DOCK7: variants seen among roughly 807,000 people sequenced by gnomAD.
The protein encoded by DOCK7 is dedicator of cytokinesis protein 7.
Under a neutral mutation model 271.0 loss-of-function variants are expected in DOCK7, and 138 were observed. The ratio of observed to expected loss-of-function variants is 0.51; its 90% CI spans 0.44 to 0.59. DOCK7 has a LOEUF of 0.59. Among genes scored for constraint, DOCK7 ranks in the 20% least tolerant of loss-of-function variants. DOCK7 has a pLI of 0.00. For synonymous variants in DOCK7, 823 were observed against 876.1 expected, an observed-to-expected ratio of 0.94 and a Z score of 1.07; for missense variants, 2,066 against 2,592.4, an observed-to-expected ratio of 0.80 and a Z score of 4.41.
chr1:62,602,076 G>T (rs1040701201), intron 14 of DOCK7, among the ~76,000 whole-genome samples: 2 of 151,448 alleles, frequency 1.3e-5, no homozygotes, highest in African/African-American at 2.4e-5. Flanking sequence ...AATCTGAAGT[G>T]ACTATTATCA....
intron 18 of DOCK7, among the ~76,000 whole-genome samples, chr1:62,567,639 A>G (rs1030651244): frequency 1.3e-5 from 2 of 152,160 alleles, no homozygotes; most frequent in African/African-American, 2.4e-5. Flanking sequence ...TGGCACATGT[A>G]TATCTATGTA....
At chr1:62,550,967 C>T (rs980520640) in intron 22 of DOCK7, among the ~76,000 whole-genome samples, 4 of 151,966 alleles carry the variant, frequency 2.6e-5, no homozygotes, top group East Asian at 1.9e-4. Flanking sequence ...GTGATCTGCC[C>T]GCCTCAGCCT....
Position 62,631,343 on chromosome 1 carries a change from T to C in DOCK7, c.1179A>G (p.Lys393=). 1.2e-6 allele frequency: 2 copies of C among 1,613,510 alleles called. No individual in the cohort carries two copies. The highest frequency in any genetic ancestry group is 1.7e-6 in the Non-Finnish European group (2 of 1,179,846). ...CAGTCCAAGCAAAAGGCATGCGATA[T>C]TTCCCAAGTCTTTGGCAAAACTGAT... ...QADQFCQRLG[K]YRMPFAWTAI... Residue 393 remains lysine, a synonymous_variant, in exon 11 of 50, where the codon AAA becomes AAG. Coordinates refer to ENST00000635253, the MANE Select transcript of DOCK7 (RefSeq NM_001367561.1).
intron 14 of DOCK7, among the ~76,000 whole-genome samples, chr1:62,611,468 T>C (rs949221292): frequency 6.6e-6 from 1 of 152,274 alleles, no homozygotes; most frequent in East Asian, 1.9e-4. Context: ...GTGCTTGAAA[T>C]GTTTTGGATT....
chr1:62,663,465 A>G (rs888564193), intron 1 of DOCK7, among the ~76,000 whole-genome samples: 2 of 152,182 alleles, frequency 1.3e-5, no homozygotes, highest in Admixed American at 6.5e-5. Context: ...AAAGATGTGT[A>G]TATTAAAATG....
chr1:62,613,216 T>C (rs1652013763), intron 14 of DOCK7, among the ~76,000 whole-genome samples: 3 of 152,342 alleles, frequency 2.0e-5, no homozygotes, highest in Middle Eastern at 3.4e-3. Flanking sequence ...AATACTGTGA[T>C]AGGGTAAGTA....
chr1:62,562,559 T>C (rs1027332472), intron 18 of DOCK7, among the ~76,000 whole-genome samples: 1 of 152,096 alleles, frequency 6.6e-6, no homozygotes, highest in African/African-American at 2.4e-5. Flanking sequence ...GTCAAAGTTA[T>C]TTCATAAAAA....
At chr1:62,588,331 G>C (rs892722338) in intron 14 of DOCK7, among the ~76,000 whole-genome samples, 8 of 152,156 alleles carry the variant, frequency 5.3e-5, no homozygotes, top group Non-Finnish European at 1.0e-4. Flanking sequence ...CCTATACACA[G>C]ACCACTTCAA....
intron 1 of DOCK7, among the ~76,000 whole-genome samples, chr1:62,683,655 G>A (rs1661409321): frequency 6.6e-6 from 1 of 152,120 alleles, no homozygotes; most frequent in Non-Finnish European, 1.5e-5. Flanking sequence ...AATAAAAAGA[G>A]TAGGCCAGGT....
chr1:62,518,763 G>C (rs1008885219), intron 31 of DOCK7, among the ~76,000 whole-genome samples: 1 of 149,928 alleles, frequency 6.7e-6, no homozygotes, highest in Non-Finnish European at 1.5e-5. Flanking sequence ...ACAACAAGAA[G>C]TCAATAAAAG....
At chr1:62,475,518 T>G (rs952739962) in intron 46 of DOCK7, 167 bp from the exon 47 acceptor site, 16 of 1,138,238 alleles carry the variant, frequency 1.4e-5, no homozygotes, top group Non-Finnish European at 2.0e-5. Context: ...AATCAACCTT[T>G]TAAAGAAAAA....
chr1:62,496,329 C>A lies in DOCK7; in HGVS notation c.4923+10G>T. The A allele has an allele frequency of 1.2e-6, 2 of 1,610,504 alleles. No individual in the cohort carries two copies. Among genetic ancestry groups the A allele is most frequent in the Non-Finnish European group, 1.7e-6 (2 of 1,178,858 alleles). The stretch of plus-strand genomic sequence containing the variant: ...TTTCAATTAATGATCTAGAAAGCAG[C>A]ATTTCTGACCTGATCAGGAAATGTT... On this transcript the variant is annotated intron_variant, in intron 38 of 49. Transcript: ENST00000635253.
At chr1:62,665,823 TA>T (rs1332341393) in intron 1 of DOCK7, among the ~76,000 whole-genome samples, 1 of 151,124 alleles carries the variant, frequency 6.6e-6, no homozygotes, top group African/African-American at 2.4e-5. Context: ...TTTCTGGGGC[TA>T]AATCATGAGT....
intron 25 of DOCK7, among the ~76,000 whole-genome samples, chr1:62,540,344 T>C (rs181104650): frequency 2.6e-5 from 4 of 152,098 alleles, no homozygotes; most frequent in Admixed American, 2.6e-4. Context: ...CAGCTAATTT[T>C]AAAAATTTTA....
intron 14 of DOCK7, chr1:62,607,823 TGTAATCCAA>T: frequency 6.6e-6 from 1 of 152,342 alleles, no homozygotes; most frequent in Admixed American, 6.5e-5. Context: ...GGCTCACACC[TGTAATCCAA>T]GTATTTTGGG....
rs926204289 is a variant in DOCK7 at position 62,513,699 on chromosome 1, G to A, written c.4119+17C>T. 1 of 1,612,062 alleles carries A rather than the reference G, an allele frequency of 6.2e-7. No individual in the cohort carries two copies. Among genetic ancestry groups the A allele is most frequent in the Non-Finnish European group, 8.5e-7 (1 of 1,179,382 alleles). On this transcript the variant is annotated intron_variant, in intron 32 of 49. Coordinates refer to ENST00000635253, the MANE Select transcript of DOCK7 (RefSeq NM_001367561.1). ...TTCTCCTTTCTTGTTCTTTGCAATG[G>A]TACAATGACCACTTACTTTATACTC...
chr1:62,633,475 A>C (rs763566839), intron 10 of DOCK7, 23 bp downstream of exon 10: 1 of 1,555,364 alleles, frequency 6.4e-7, no homozygotes, highest in South Asian at 1.1e-5. Flanking sequence ...AATGTGGCGG[A>C]AATGAGAAGC....
In DOCK7 at chr1:62,653,971, A is replaced by G. The variant is rs1233753078; in HGVS notation, c.320+13T>C. ...GTTCCTCTAAAGCCAAAAATAAGTCAATGTCTCCTTACCTTTCTTCAGGTA... is the reference window on the plus strand; with the variant it reads ...GTTCCTCTAAAGCCAAAAATAAGTCGATGTCTCCTTACCTTTCTTCAGGTA... On this transcript the variant is annotated intron_variant, in intron 3 of 49. Transcript: ENST00000635253. 1 of 1,606,756 alleles carries G rather than the reference A, an allele frequency of 6.2e-7. No individual in the cohort carries two copies. Among genetic ancestry groups the G allele is most frequent in the Non-Finnish European group, 8.5e-7 (1 of 1,177,308 alleles).
chr1:62,678,396 G>T (rs1490662862), intron 1 of DOCK7, among the ~76,000 whole-genome samples: 1 of 152,160 alleles, frequency 6.6e-6, no homozygotes. Flanking sequence ...GCAAGGTATA[G>T]CTGGATACAA....
Sources: allele counts gnomAD v4.1 joint callset (sites outside exome capture counted in the v4.1 genomes callset), GRCh38; gene constraint gnomAD v4.1.1; transcripts MANE v1.5; gene names NCBI Gene and HGNC (gene_info 2026-07-23, HGNC 2026-07-21).